DAPK2: variants seen among roughly 807,000 people sequenced by gnomAD.
DAPK2 encodes death-associated protein kinase 2.
A neutral mutation model predicts 44.1 loss-of-function variants in DAPK2; 35 were observed. The ratio of observed to expected loss-of-function variants is 0.79; its 90% CI spans 0.61 to 1.05. The LOEUF (loss-of-function observed/expected upper bound fraction) is 1.05. Among genes scored for constraint, DAPK2 ranks in the 50% least tolerant of loss-of-function variants. The pLI, the probability that DAPK2 is intolerant of heterozygous loss-of-function variation, is 0.00. For synonymous variants in DAPK2, 174 were observed against 182.6 expected, an observed-to-expected ratio of 0.95 and a Z score of 0.38; for missense variants, 453 against 483.2, an observed-to-expected ratio of 0.94 and a Z score of 0.59.
intron 1 of DAPK2, among the ~76,000 whole-genome samples, chr15:64,025,324 G>A (rs2079807341): frequency 6.6e-6 from 1 of 152,200 alleles, no homozygotes; most frequent in African/African-American, 2.4e-5. Context: ...AGAGCTTAGT[G>A]CAGGGCCAGG....
intron 1 of DAPK2, among the ~76,000 whole-genome samples, chr15:64,028,411 G>A (rs1595910377): frequency 6.6e-6 from 1 of 152,224 alleles, no homozygotes; most frequent in Middle Eastern, 3.4e-3. Context: ...TGTCATGAAA[G>A]TCAAAGAAAG....
chr15:63,915,131 T>C (rs186668127), intron 8 of DAPK2, among the ~76,000 whole-genome samples: 2 of 152,394 alleles, frequency 1.3e-5, no homozygotes, highest in African/African-American at 2.4e-5. Context: ...ATAAATGCTA[T>C]GTAAATAGTT....
intron 1 of DAPK2, chr15:63,991,305 TCAG>T: frequency 4.4e-6 from 2 of 456,138 alleles, no homozygotes; most frequent in Middle Eastern, 6.5e-4. Flanking sequence ...AGCAGCAAAG[TCAG>T]CAGCAGGTGG....
intron 1 of DAPK2, among the ~76,000 whole-genome samples, chr15:64,024,519 T>C (rs1047027184): frequency 3.3e-5 from 5 of 152,162 alleles, no homozygotes; most frequent in African/African-American, 1.2e-4. Context: ...CCCCATGAGA[T>C]AGCAACCATC....
chr15:64,039,352 G>A (rs901480069), intron 1 of DAPK2, among the ~76,000 whole-genome samples: 1 of 152,212 alleles, frequency 6.6e-6, no homozygotes, highest in Non-Finnish European at 1.5e-5. Context: ...GTGTGCAGGT[G>A]CAAAATGGAC....
At chr15:63,935,877 C>A (rs2077131309) in intron 4 of DAPK2, 1 of 152,182 alleles carries the variant, frequency 6.6e-6, no homozygotes, top group African/African-American at 2.4e-5. Context: ...CTTCAACTCT[C>A]TCCTTAGCTG....
At chr15:63,919,156 C>A (rs1290780648) in intron 8 of DAPK2, 1 of 152,238 alleles carries the variant, frequency 6.6e-6, no homozygotes, top group Non-Finnish European at 1.5e-5. Flanking sequence ...GTCATGGTCT[C>A]CTCTGCTTTC....
intron 8 of DAPK2, among the ~76,000 whole-genome samples, chr15:63,924,226 G>A (rs569551896): frequency 7.2e-5 from 11 of 152,286 alleles, no homozygotes; most frequent in African/African-American, 1.4e-4. Context: ...CAGGAAGCCC[G>A]ACTGCAAGGC....
In DAPK2 at chr15:63,957,974, C is replaced by T. The variant is rs182036858; in HGVS notation, c.453+13449G>A. On this transcript the variant is annotated intron_variant, in intron 3 of 10. Transcript: ENST00000261891. ...TTGAACCAGTTTACAGTCCCACCAA[C>T]GGTGTAAAAGCATTCCTGTTTCTCC... Among the ~76,000 whole-genome samples the T allele has an allele frequency of 2.0e-3, 306 of 152,326 alleles. 1 individual carries two copies. The highest frequency in any genetic ancestry group is 6.6e-3 in the African/African-American group (276 of 41,582).
intron 1 of DAPK2, among the ~76,000 whole-genome samples, chr15:63,995,916 G>A (rs766378149): frequency 3.3e-5 from 5 of 152,188 alleles, no homozygotes; most frequent in Non-Finnish European, 5.9e-5. Context: ...TTTACAGTAG[G>A]ACTCACATGT....
intron 8 of DAPK2, chr15:63,918,413 G>A (rs910482139): frequency 1.3e-5 from 2 of 152,278 alleles, no homozygotes; most frequent in Non-Finnish European, 2.9e-5. Context: ...TCACAGCAGG[G>A]ACAGGCAGCT....
At chr15:63,981,286 C>A (rs1002016060) in intron 2 of DAPK2, among the ~76,000 whole-genome samples, 2 of 152,080 alleles carry the variant, frequency 1.3e-5, no homozygotes, top group Admixed American at 1.3e-4. Flanking sequence ...TGTAGAGAGT[C>A]CCCATTAGCA....
At chr15:64,005,181 C>T (rs1161181213) in intron 1 of DAPK2, among the ~76,000 whole-genome samples, 1 of 152,008 alleles carries the variant, frequency 6.6e-6, no homozygotes, top group Non-Finnish European at 1.5e-5. Context: ...AATACCCATC[C>T]TTGAGTGGTG....
intron 1 of DAPK2, chr15:63,991,129 C>A: frequency 2.4e-6 from 1 of 416,548 alleles, no homozygotes; most frequent in Non-Finnish European, 4.8e-6. Flanking sequence ...ATTCAGGAAA[C>A]CAAAACAGAG....
intron 1 of DAPK2, among the ~76,000 whole-genome samples, chr15:64,009,426 C>T (rs1486444534): frequency 1.3e-5 from 2 of 152,138 alleles, no homozygotes; most frequent in South Asian, 2.1e-4. Flanking sequence ...TTTTCTCCTT[C>T]CCATCAAGCC....
rs139502102 is a variant in DAPK2, at chr15:63,950,690, C to T, written c.454-11329G>A. On this transcript the variant is annotated intron_variant, in intron 3 of 10. Transcript: ENST00000261891. ...TGGTAAAATAAAACTTGGTGACCTC[C>T]AGCTTTGTTTAGTGTTTCCTCACTG... Among the ~76,000 whole-genome samples the T allele has an allele frequency of 5.9e-5, 9 of 152,262 alleles. 1 individual carries two copies. The highest frequency in any genetic ancestry group is 2.2e-4 in the African/African-American group (9 of 41,540).
chr15:64,026,848 G>A (rs183612974), intron 1 of DAPK2, among the ~76,000 whole-genome samples: 14 of 152,304 alleles, frequency 9.2e-5, no homozygotes, highest in African/African-American at 2.4e-4. Flanking sequence ...GGCCTGGGTC[G>A]GGTAGAGTCT....
intron 1 of DAPK2, among the ~76,000 whole-genome samples, chr15:64,014,899 GC>G (rs1196885506): frequency 5.4e-5 from 8 of 148,206 alleles, no homozygotes; most frequent in Non-Finnish European, 1.0e-4. Context: ...CTTCACTCTA[GC>G]CTGGGTGAAA....
At chr15:63,996,057 T>C (rs2078942947) in intron 1 of DAPK2, among the ~76,000 whole-genome samples, 1 of 152,226 alleles carries the variant, frequency 6.6e-6, no homozygotes, top group African/African-American at 2.4e-5. Context: ...GACCTAGATG[T>C]TGGGTGTATT....
Sources: gnomAD v4.1 joint callset for allele counts (sites outside exome capture counted in the v4.1 genomes callset) on GRCh38, gnomAD v4.1.1 for gene constraint, MANE v1.5 for transcripts, NCBI Gene and HGNC (gene_info 2026-07-23, HGNC 2026-07-21) for gene names.